The following CSTPP1 variants were observed in gnomAD, a reference collection of about 807,000 sequenced individuals.
The protein encoded by CSTPP1 is centriolar satellite-associated tubulin polyglutamylase complex regulator 1.
At chr11:47,118,093 T>G in the CSTPP1 span, among the ~76,000 whole-genome samples, 1 of 152,114 alleles carries the variant, frequency 6.6e-6, no homozygotes, top group African/African-American at 2.4e-5. Context: ...TTGGTCAAGC[T>G]GGTCTCAAAC....
At chr11:46,985,246 C>A in the CSTPP1 span, among the ~76,000 whole-genome samples, 2 of 152,122 alleles carry the variant, frequency 1.3e-5, no homozygotes, top group East Asian at 1.9e-4. Flanking sequence ...TCACCGCGAT[C>A]ATTATGGTCA....
chr11:46,978,590 T>TA, the CSTPP1 span, among the ~76,000 whole-genome samples: 1 of 152,238 alleles, frequency 6.6e-6, no homozygotes, highest in Non-Finnish European at 1.5e-5. Context: ...ATTTGCCCCA[T>TA]ACGGTTTTTG....
At chr11:46,966,299 C>G in the CSTPP1 span, among the ~76,000 whole-genome samples, 2,195 of 152,278 alleles carry the variant, frequency 0.014, 53 homozygotes, top group African/African-American at 0.05. Flanking sequence ...CCTCGGCCTC[C>G]CAAAGTGTTG....
At chr11:47,052,691 T>C in the CSTPP1 span, 21 of 836,932 alleles carry the variant, frequency 2.5e-5, no homozygotes, top group South Asian at 3.7e-4. Flanking sequence ...GCATTTAGAA[T>C]ACCTCACTTT....
chr11:46,941,425 C>T, the CSTPP1 span, among the ~76,000 whole-genome samples: 8 of 152,254 alleles, frequency 5.3e-5, no homozygotes, highest in East Asian at 9.6e-4. Context: ...CTCCAACCTC[C>T]GCCTCCAGGG....
the CSTPP1 span, among the ~76,000 whole-genome samples, chr11:47,081,398 TG>T: frequency 6.6e-6 from 1 of 152,132 alleles, no homozygotes; most frequent in Non-Finnish European, 1.5e-5. Context: ...CCACTATAAT[TG>T]CTAACAATAA....
At chr11:46,972,519 G>C in the CSTPP1 span, among the ~76,000 whole-genome samples, 2 of 152,284 alleles carry the variant, frequency 1.3e-5, no homozygotes, top group South Asian at 4.1e-4. Flanking sequence ...GAGCGGTACA[G>C]TGTACACTTT....
the CSTPP1 span, among the ~76,000 whole-genome samples, chr11:47,036,255 AT>A: frequency 2.1e-5 from 1 of 48,542 alleles, no homozygotes; most frequent in Non-Finnish European, 4.3e-5. Flanking sequence ...TATATTATAT[AT>A]TATATAATAT....
chr11:47,059,030 G>A, the CSTPP1 span, among the ~76,000 whole-genome samples: 2 of 152,142 alleles, frequency 1.3e-5, no homozygotes, highest in East Asian at 1.9e-4. Flanking sequence ...GAACGAGATC[G>A]TGTCCTTTGC....
chr11:47,148,308 C>T, the CSTPP1 span, among the ~76,000 whole-genome samples: 3 of 151,680 alleles, frequency 2.0e-5, no homozygotes, highest in Admixed American at 6.6e-5. Context: ...CCACCTTGAC[C>T]TGGGGACACC....
chr11:46,985,253 G>A, the CSTPP1 span, among the ~76,000 whole-genome samples: 1 of 152,246 alleles, frequency 6.6e-6, no homozygotes, highest in Admixed American at 6.5e-5. Flanking sequence ...GATCATTATG[G>A]TCAAATGAAG....
At chr11:47,111,471 A>G in the CSTPP1 span, among the ~76,000 whole-genome samples, 1 of 152,060 alleles carries the variant, frequency 6.6e-6, no homozygotes, top group Non-Finnish European at 1.5e-5. Flanking sequence ...CGACTGCTGT[A>G]CGTGATGCTT....
the CSTPP1 span, among the ~76,000 whole-genome samples, chr11:47,027,731 C>A: frequency 6.6e-6 from 1 of 152,118 alleles, no homozygotes; most frequent in Non-Finnish European, 1.5e-5. Context: ...GCTCAGTTCT[C>A]ACAGATGGGT....
At chr11:47,064,905 C>T in the CSTPP1 span, among the ~76,000 whole-genome samples, 4 of 152,032 alleles carry the variant, frequency 2.6e-5, no homozygotes, top group South Asian at 2.1e-4. Flanking sequence ...CTACCACACC[C>T]GCTAATTTTT....
chr11:47,019,151 G>T, the CSTPP1 span, among the ~76,000 whole-genome samples: 1 of 152,050 alleles, frequency 6.6e-6, no homozygotes, highest in Non-Finnish European at 1.5e-5. Flanking sequence ...GGGATTACAG[G>T]CGTGAGCCAT....
the CSTPP1 span, among the ~76,000 whole-genome samples, chr11:47,037,386 ATTATTAT>A: frequency 2.9e-4 from 24 of 82,490 alleles, 5 homozygotes; most frequent in South Asian, 7.4e-3. Flanking sequence ...AATTATTATT[ATTATTAT>A]TTTTTTTTTT....
the CSTPP1 span, among the ~76,000 whole-genome samples, chr11:47,011,890 G>A: frequency 6.6e-6 from 1 of 152,078 alleles, no homozygotes; most frequent in East Asian, 1.9e-4. Flanking sequence ...TTTAACAAAT[G>A]TTTATTGAAG....
At chr11:47,135,356 G>A in the CSTPP1 span, among the ~76,000 whole-genome samples, 1 of 152,126 alleles carries the variant, frequency 6.6e-6, no homozygotes, top group Admixed American at 6.6e-5. Context: ...GACTTAGAGA[G>A]ATTAAGCAAT....
At chr11:46,989,447 C>T in the CSTPP1 span, among the ~76,000 whole-genome samples, 2 of 152,080 alleles carry the variant, frequency 1.3e-5, no homozygotes, top group Non-Finnish European at 2.9e-5. Context: ...CAGGTATGTA[C>T]TATCATGCTC....
Sources: gnomAD v4.1 joint callset for allele counts (sites outside exome capture counted in the v4.1 genomes callset) on GRCh38, gnomAD v4.1.1 for gene constraint, MANE v1.5 for transcripts, NCBI Gene and HGNC (gene_info 2026-07-23, HGNC 2026-07-21) for gene names.